Variants in NAA30 observed in about 807,000 individuals in gnomAD.
The protein encoded by NAA30 is N-alpha-acetyltransferase 30, NatC catalytic subunit.
In NAA30, 5 loss-of-function variants were observed where a neutral mutation model predicts 31.4. The ratio of observed to expected loss-of-function variants is 0.16; its 90% CI spans 0.08 to 0.33. NAA30 has a LOEUF of 0.33. Among genes scored for constraint, NAA30 ranks in the 10% least tolerant of loss-of-function variants. The pLI, the probability that NAA30 is intolerant of heterozygous loss-of-function variation, is 1.00. For missense variants in NAA30, 428 were observed against 490.8 expected, an observed-to-expected ratio of 0.87 and a Z score of 1.21; for synonymous variants, 222 against 207.1, an observed-to-expected ratio of 1.07 and a Z score of -0.62.
At position 57,391,394 on chromosome 14, in the gene NAA30, C is replaced by G. The variant is rs370905140; in HGVS notation, c.437C>G (p.Ala146Gly). 78 of 1,609,002 alleles carry G rather than the reference C, an allele frequency of 4.8e-5. No homozygotes were observed. Among genetic ancestry groups the G allele is most frequent in the Non-Finnish European group, 6.3e-5 (74 of 1,177,936 alleles). ...CCCCCTCACTCCCTCTCTAGTAATG[C>G]AAGAACTGCGGTCCCCAGCCCGGTG... is the stretch of plus-strand genomic sequence containing the variant. ...ERPPHSLSSN[A>G]RTAVPSPVEA... Residue 146 changes from alanine to glycine, a missense_variant, in exon 2 of 5, where the codon GCA (alanine) becomes GGA (glycine). This residue lies in a region of NAA30 where 349 missense variants were observed against 310.4 expected (regional missense o/e 1.12). Transcript: ENST00000556492. The surrounding 1 kb of genome is among the most constrained non-coding windows in gnomAD (Gnocchi z 4.1).
chr14:57,393,832 G>A (rs1352611680), intron 2 of NAA30, among the ~76,000 whole-genome samples: 1 of 152,088 alleles, frequency 6.6e-6, no homozygotes, highest in Non-Finnish European at 1.5e-5. Flanking sequence ...CTAGAACCCA[G>A]TTCTCCTGGC....
chr14:57,402,469 C>T (rs775935925), intron 4 of NAA30, among the ~76,000 whole-genome samples: 9 of 152,112 alleles, frequency 5.9e-5, no homozygotes, highest in South Asian at 4.1e-4. Flanking sequence ...TGTAATCCCT[C>T]TCTCTCTTGT....
At chr14:57,404,144 AC>A (rs1273579036) in intron 4 of NAA30, among the ~76,000 whole-genome samples, 1 of 152,098 alleles carries the variant, frequency 6.6e-6, no homozygotes, top group Non-Finnish European at 1.5e-5. Flanking sequence ...ATATGGTGAA[AC>A]CCCGTCTCTA....
In NAA30 at chr14:57,409,702, G is replaced by T. The variant is rs1361361104; in HGVS notation, c.*186G>T. ...ATGGCACATTTGTTCTGAATTAAAA[G>T]ATTGTTTTAAACTTCAGGAGTTCTT... On this transcript the variant is annotated 3_prime_UTR_variant, in exon 5 of 5. Transcript: ENST00000556492. 2.0e-6 allele frequency: 1 copy of T among 494,074 alleles called. No homozygotes were observed. Among genetic ancestry groups the T allele is most frequent in the East Asian group, 3.5e-5 (1 of 28,638 alleles). 30.6% of individuals were successfully genotyped at this position (494,074 alleles called of 1,614,324 possible).
chr14:57,393,281 T>C (rs1352372956), intron 2 of NAA30, among the ~76,000 whole-genome samples: 1 of 152,190 alleles, frequency 6.6e-6, no homozygotes, highest in East Asian at 1.9e-4. Context: ...ATTAGTAAAC[T>C]TTAGATTTGA....
chr14:57,400,483 C>T (rs1477496751), intron 4 of NAA30, among the ~76,000 whole-genome samples: 1 of 152,172 alleles, frequency 6.6e-6, no homozygotes, highest in Non-Finnish European at 1.5e-5. Flanking sequence ...TTAACATTTA[C>T]TGTTGCACAG....
Position 57,412,613 on chromosome 14 carries a change from G to C in NAA30, c.*3097G>C, listed in dbSNP as rs2139769232. On this transcript the variant is annotated 3_prime_UTR_variant, in exon 5 of 5. Transcript: ENST00000556492. ...ATATCACGTGTATCTCAAAATATTG[G>C]ACTGCTGTTTGACTGGATATTGCTG... is the stretch of plus-strand genomic sequence containing the variant. 1 of 152,218 alleles carries C rather than the reference G, an allele frequency of 6.6e-6. No homozygotes were observed. The highest frequency in any genetic ancestry group is 1.5e-5 in the Non-Finnish European group (1 of 68,016). 9.4% of individuals were successfully genotyped at this position (152,218 alleles called of 1,614,324 possible). A position where few individuals can be genotyped will look rare whatever the true frequency, so the allele number is the denominator to read the frequency against.
Position 57,409,554 on chromosome 14 carries a change from A to G in NAA30, c.*38A>G. 1 of 1,554,758 alleles carries G rather than the reference A, an allele frequency of 6.4e-7. No homozygotes were observed. The highest frequency in any genetic ancestry group is 8.6e-7 in the Non-Finnish European group (1 of 1,156,504). On this transcript the variant is annotated 3_prime_UTR_variant, in exon 5 of 5. Transcript: ENST00000556492. The stretch of plus-strand genomic sequence containing the variant: ...AAGGAACAACTATCATCCGCACAGA[A>G]TCGACCTTTGCATGCAATGCAATTT...
intron 4 of NAA30, among the ~76,000 whole-genome samples, chr14:57,407,626 CAAG>C (rs1356272092): frequency 6.6e-6 from 1 of 152,094 alleles, no homozygotes; most frequent in Admixed American, 6.6e-5. Flanking sequence ...GCATGGAAAG[CAAG>C]AAGAGAGAGA....
Position 57,391,225 on chromosome 14 carries a change from C to G in NAA30, c.268C>G (p.Pro90Ala). The change falls in exon 2 of 5, where the codon CCC becomes GCC. Residue 90 changes from proline to alanine, a missense_variant. Around this residue, in one of 2 missense-constraint regions of NAA30, gnomAD observed 349 missense variants for 310.4 expected, o/e 1.12. Transcript: ENST00000556492. The surrounding 1 kb of genome is among the most constrained non-coding windows in gnomAD (Gnocchi z 4.1). ...EQQQLNGLIS[P>A]ELRHLRAAAS... is the part of the protein sequence containing the mutation. Reference sequence around the variant, plus strand: ...GCAGCAGCTCAACGGATTGATTAGCCCCGAACTGCGGCACCTCCGGGCGGC... The same window carrying G: ...GCAGCAGCTCAACGGATTGATTAGCGCCGAACTGCGGCACCTCCGGGCGGC... 1 of 1,612,210 alleles carries G rather than the reference C, an allele frequency of 6.2e-7. No homozygotes were observed. The highest frequency in any genetic ancestry group is 8.5e-7 in the Non-Finnish European group (1 of 1,179,860).
At chr14:57,403,666 C>T (rs1852050668) in intron 4 of NAA30, among the ~76,000 whole-genome samples, 1 of 152,176 alleles carries the variant, frequency 6.6e-6, no homozygotes, top group Non-Finnish European at 1.5e-5. Flanking sequence ...GCTGATCTGG[C>T]TTAAATTTGT....
intron 4 of NAA30, among the ~76,000 whole-genome samples, chr14:57,403,232 C>CG (rs201781162): frequency 3.0e-4 from 14 of 46,940 alleles, no homozygotes; most frequent in South Asian, 9.5e-4. Context: ...GCTCCGTGGC[C>CG]GGAAAAAAAA....
chr14:57,402,178 A>T lies in NAA30; in HGVS notation c.951+2295A>T, dbSNP rs548773586. 2.6e-5 allele frequency among the ~76,000 whole-genome samples: 4 copies of T among 152,360 alleles called. No homozygotes were observed. The South Asian group carries it at 8.3e-4, about 32-fold the overall frequency. ...TATTTGGTTTTCCTTTGCTTGTTAA[A>T]ATACTTTAGTCTTTAAGACCCAATT... On this transcript the variant is annotated intron_variant, in intron 4 of 4. Coordinates refer to ENST00000556492, the MANE Select transcript of NAA30 (RefSeq NM_001011713.3).
At position 57,412,426 on chromosome 14, in the gene NAA30, T is replaced by G. The variant is rs1436420231; in HGVS notation, c.*2910T>G. On this transcript the variant is annotated 3_prime_UTR_variant, in exon 5 of 5. Coordinates refer to ENST00000556492, the MANE Select transcript of NAA30 (RefSeq NM_001011713.3). ...CTAAAAATCATGAAGTTCATCACTTTTCAGGAGTATAGATAAAATCAAATT... is the reference window on the plus strand; with the variant it reads ...CTAAAAATCATGAAGTTCATCACTTGTCAGGAGTATAGATAAAATCAAATT... The G allele has an allele frequency of 1.3e-5, 2 of 152,176 alleles. No individual in the cohort carries two copies. The highest frequency in any genetic ancestry group is 4.8e-5 in the African/African-American group (2 of 41,442). The allele number at this position is 152,176 out of a possible 1,614,324, so 9.4% of individuals were successfully genotyped here.
At chr14:57,399,426 C>CT (rs1298492293) in intron 3 of NAA30, among the ~76,000 whole-genome samples, 1 of 152,134 alleles carries the variant, frequency 6.6e-6, no homozygotes, top group Non-Finnish European at 1.5e-5. Flanking sequence ...TTTGAAGGAT[C>CT]TTTGGTGAGA....
Position 57,396,530 on chromosome 14 carries a change from A to G in NAA30, c.772-222A>G, listed in dbSNP as rs1254646112. Among the ~76,000 whole-genome samples, 3 of 152,228 alleles carry G rather than the reference A, an allele frequency of 2.0e-5. No individual in the cohort carries two copies. The East Asian group carries it at 5.8e-4, about 29-fold the overall frequency. ...CCCTAGGCTTTAATAGTAAGCATAA[A>G]AAATTCATGTTCTAAAGAATATTGA... On this transcript the variant is annotated intron_variant, in intron 2 of 4. Coordinates refer to ENST00000556492, the MANE Select transcript of NAA30 (RefSeq NM_001011713.3).
In NAA30 at chr14:57,409,656, C is replaced by T. The variant is rs2066514970; in HGVS notation, c.*140C>T. On this transcript the variant is annotated 3_prime_UTR_variant, in exon 5 of 5. Coordinates refer to ENST00000556492, the MANE Select transcript of NAA30 (RefSeq NM_001011713.3). ...TGTCAGTGTCTCATTGAGTGTCGCA[C>T]AATATTTGTTGCACTTTGGCATGGC... 1.3e-6 allele frequency: 1 copy of T among 741,556 alleles called. No individual in the cohort carries two copies. The highest frequency in any genetic ancestry group is 3.1e-5 in the Admixed American group (1 of 31,854). The allele number at this position is 741,556 out of a possible 1,614,324, so 45.9% of individuals were successfully genotyped here.
At position 57,390,622 on chromosome 14, in the gene NAA30, T is replaced by G; in HGVS notation, c.-85T>G. 1 of 329,328 alleles carries G rather than the reference T, an allele frequency of 3.0e-6. No homozygotes were observed. The allele number at this position is 329,328 out of a possible 1,614,324, so 20.4% of individuals were successfully genotyped here. On this transcript the variant is annotated 5_prime_UTR_variant, in exon 1 of 5. Transcript: ENST00000556492. The stretch of plus-strand genomic sequence containing the variant: ...GGCTGAGTGAGAACCTTGGCGGCTG[T>G]GGAGGCTGCCGCGGCTGCGAAGGAG...
At chr14:57,401,828 T>A (rs1159799431) in intron 4 of NAA30, among the ~76,000 whole-genome samples, 1 of 152,230 alleles carries the variant, frequency 6.6e-6, no homozygotes, top group Admixed American at 6.5e-5. Context: ...AGATTTTTAT[T>A]GTTTTGGTCT....
Sources: allele counts gnomAD v4.1 joint callset (sites outside exome capture counted in the v4.1 genomes callset), GRCh38; gene constraint gnomAD v4.1.1; regional missense constraint gnomAD v4.1.1; non-coding constraint Gnocchi (gnomAD v3.1); transcripts MANE v1.5; gene names NCBI Gene and HGNC (gene_info 2026-07-23, HGNC 2026-07-21).